PTPN4: variants seen among roughly 807,000 people sequenced by gnomAD.
PTPN4 encodes the protein tyrosine-protein phosphatase non-receptor type 4.
Under a neutral mutation model 135.5 loss-of-function variants are expected in PTPN4, and 49 were observed. The observed-to-expected ratio is 0.36, with a 90% CI of 0.29 to 0.46. The LOEUF (loss-of-function observed/expected upper bound fraction) is 0.46, where lower values mean the gene tolerates loss of function less well. PTPN4 is among the 20% of genes least tolerant of loss of function. The pLI, the probability that PTPN4 is intolerant of heterozygous loss-of-function variation, is 1.00. For missense variants in PTPN4, 860 were observed against 1,101.0 expected (o/e 0.78, Z 3.10); for synonymous variants, 333 against 369.9 (o/e 0.90, Z 1.14).
chr2:119,865,972 C>G (rs569153569), intron 3 of PTPN4, among the ~76,000 whole-genome samples: 1 of 152,086 alleles, frequency 6.6e-6, no homozygotes. Flanking sequence ...AGTTCCAGTG[C>G]AACAAAGAAA....
chr2:119,787,580 A>T (rs1691068331), intron 1 of PTPN4, among the ~76,000 whole-genome samples: 1 of 152,170 alleles, frequency 6.6e-6, no homozygotes, highest in South Asian at 2.1e-4. Context: ...AGTCGTCAGT[A>T]CTTACTGTAG....
intron 10 of PTPN4, among the ~76,000 whole-genome samples, chr2:119,903,598 A>G (rs950024779): frequency 6.6e-6 from 1 of 151,702 alleles, no homozygotes; most frequent in African/African-American, 2.4e-5. Context: ...TCAGGGGCTC[A>G]ATAATGGACC....
rs760161461 is a variant in PTPN4, at chr2:119,981,373, A to T, written c.*4303A>T. ...CATTTGCTTCACCTATCTGACTACAATTGCTGGAATCATTCTTTTTGTGGT... is the reference window on the plus strand; with the variant it reads ...CATTTGCTTCACCTATCTGACTACATTTGCTGGAATCATTCTTTTTGTGGT... On this transcript the variant is annotated 3_prime_UTR_variant, in exon 27 of 27. Coordinates refer to ENST00000263708, the MANE Select transcript of PTPN4 (RefSeq NM_002830.4). The T allele has an allele frequency of 6.6e-6, 1 of 152,030 alleles. No homozygotes were observed. The highest frequency in any genetic ancestry group is 1.5e-5 in the Non-Finnish European group (1 of 67,934). The allele number at this position is 152,030 out of a possible 1,614,324, so 9.4% of individuals were successfully genotyped here. A position where few individuals can be genotyped will look rare whatever the true frequency, so the allele number is the denominator to read the frequency against.
intron 1 of PTPN4, among the ~76,000 whole-genome samples, chr2:119,784,335 C>G (rs1157146814): frequency 6.7e-6 from 1 of 148,852 alleles, no homozygotes; most frequent in Non-Finnish European, 1.5e-5. Context: ...CTGCCTTAAC[C>G]TACCACCAAG....
chr2:119,827,007 A>G (rs1443914058), intron 2 of PTPN4, among the ~76,000 whole-genome samples: 1 of 152,216 alleles, frequency 6.6e-6, no homozygotes, highest in African/African-American at 2.4e-5. Flanking sequence ...CAACCTGGAC[A>G]ACAGAGTGAG....
chr2:119,835,223 C>G (rs149412445), intron 2 of PTPN4, among the ~76,000 whole-genome samples: 1 of 152,088 alleles, frequency 6.6e-6, no homozygotes, highest in Non-Finnish European at 1.5e-5. Context: ...CTCACTCTGT[C>G]GCTCAGGCTG....
chr2:119,847,468 C>T (rs1273986401), intron 2 of PTPN4, among the ~76,000 whole-genome samples: 1 of 151,692 alleles, frequency 6.6e-6, no homozygotes, highest in Non-Finnish European at 1.5e-5. Flanking sequence ...GCTGGGATTA[C>T]AGGCATGCAC....
At chr2:119,929,463 C>T (rs1341663898) in intron 13 of PTPN4, among the ~76,000 whole-genome samples, 1 of 151,828 alleles carries the variant, frequency 6.6e-6, no homozygotes, top group Admixed American at 6.6e-5. Flanking sequence ...TTCTGATTAT[C>T]ACCTCTTTGT....
At chr2:119,924,800 G>A (rs923812499) in intron 12 of PTPN4, among the ~76,000 whole-genome samples, 10 of 151,910 alleles carry the variant, frequency 6.6e-5, no homozygotes, top group African/African-American at 1.7e-4. Flanking sequence ...CTTCTTCACT[G>A]GAAAATTAAG....
At chr2:119,766,325 T>C (rs1000275198) in intron 1 of PTPN4, among the ~76,000 whole-genome samples, 5 of 152,208 alleles carry the variant, frequency 3.3e-5, no homozygotes, top group African/African-American at 1.2e-4. Context: ...GAAATAAATA[T>C]CAAATCCTAA....
intron 2 of PTPN4, among the ~76,000 whole-genome samples, chr2:119,855,979 T>TA (rs1677672795): frequency 6.6e-6 from 1 of 151,934 alleles, no homozygotes; most frequent in South Asian, 2.1e-4. Flanking sequence ...TAATTTTTTG[T>TA]ATTTTTAGTG....
intron 1 of PTPN4, among the ~76,000 whole-genome samples, chr2:119,783,421 CA>C (rs552795905): frequency 3.1e-3 from 479 of 152,236 alleles, no homozygotes; most frequent in Non-Finnish European, 5.8e-3. Flanking sequence ...TTTTCTGGGG[CA>C]AGTGTTGAGG....
intron 2 of PTPN4, among the ~76,000 whole-genome samples, chr2:119,842,168 G>A (rs1677391460): frequency 6.6e-6 from 1 of 152,124 alleles, no homozygotes; most frequent in African/African-American, 2.4e-5. Context: ...GTTTATAAAT[G>A]GTGGAACTTT....
chr2:119,955,939 AAAAATAATAAATAAAT>A (rs779558067), intron 20 of PTPN4, among the ~76,000 whole-genome samples: 1 of 135,012 alleles, frequency 7.4e-6, no homozygotes, highest in South Asian at 2.4e-4. Context: ...TCCATCTCAA[AAAAATAATAAATAAAT>A]AAATAAATAA....
chr2:119,808,619 TC>T (rs1237879034), intron 1 of PTPN4, among the ~76,000 whole-genome samples: 8 of 152,254 alleles, frequency 5.3e-5, no homozygotes, highest in Non-Finnish European at 2.9e-5. Flanking sequence ...AAACAGGGCC[TC>T]CCTGTGTTTT....
chr2:119,941,948 A>C (rs78515804), intron 15 of PTPN4, among the ~76,000 whole-genome samples: 3,490 of 152,304 alleles, frequency 0.023, 126 homozygotes, highest in African/African-American at 0.076. Flanking sequence ...GGCTTTATAC[A>C]GTGTTTGACA....
chr2:119,768,580 T>A (rs1690679167), intron 1 of PTPN4, among the ~76,000 whole-genome samples: 2 of 152,176 alleles, frequency 1.3e-5, no homozygotes, highest in African/African-American at 4.8e-5. Flanking sequence ...CCTTTTCCCT[T>A]TCTGTATTTG....
At chr2:119,787,433 A>G (rs1691065975) in intron 1 of PTPN4, among the ~76,000 whole-genome samples, 1 of 152,218 alleles carries the variant, frequency 6.6e-6, no homozygotes, top group Non-Finnish European at 1.5e-5. Context: ...CAAGATCTAT[A>G]CATTATGATT....
At chr2:119,860,850 G>C (rs1677750419) in intron 2 of PTPN4, among the ~76,000 whole-genome samples, 1 of 152,060 alleles carries the variant, frequency 6.6e-6, no homozygotes, top group South Asian at 2.1e-4. Flanking sequence ...AGACTAGCCT[G>C]ACCAATATGA....
Sources: allele counts gnomAD v4.1 joint callset (sites outside exome capture counted in the v4.1 genomes callset), GRCh38; gene constraint gnomAD v4.1.1; transcripts MANE v1.5; gene names NCBI Gene and HGNC (gene_info 2026-07-23, HGNC 2026-07-21).